Variants in PARVB observed in about 807,000 individuals in gnomAD.
The protein encoded by PARVB is parvin beta, also known as beta-parvin.
In PARVB, 46 loss-of-function variants were observed where a neutral mutation model predicts 47.0. The ratio of observed to expected loss-of-function variants is 0.98; its 90% CI spans 0.77 to 1.25. The LOEUF (loss-of-function observed/expected upper bound fraction) is 1.25. Ranked by LOEUF, PARVB falls within the 50% of genes most tolerant of loss-of-function variation. The pLI is 0.00. For missense variants in PARVB, 473 were observed against 471.6 expected (o/e 1.00, Z -0.03); for synonymous variants, 196 against 196.3 (o/e 1.00, Z 0.01).
At chr22:44,069,088 T>C in intron 1 of PARVB, 3 of 1,609,206 alleles carry the variant, frequency 1.9e-6, no homozygotes, top group Non-Finnish European at 1.7e-6. Context: ...GAACGGGGTG[T>C]GTGCCCGCCT....
intron 1 of PARVB, among the ~76,000 whole-genome samples, chr22:44,079,180 C>G (rs1393318083): frequency 3.9e-5 from 6 of 152,096 alleles, no homozygotes; most frequent in Non-Finnish European, 7.3e-5. Context: ...GGTGCTTGGT[C>G]CACCATAGAT....
At position 44,131,668 on chromosome 22, in the gene PARVB, G is replaced by A. The variant is rs150511875; in HGVS notation, c.517+41G>A. 8.1e-4 allele frequency: 1,262 copies of A among 1,559,526 alleles called. 6 individuals are homozygous for A. In the African/African-American group the frequency reaches 0.016, roughly 19 times the overall value. On this transcript the variant is annotated intron_variant, in intron 5 of 12. Transcript: ENST00000338758. ...CAGGGGGAGGGACTGTCTGGAGGGA[G>A]CCCGTCCTCTCGACATTCGTCATCC...
intron 1 of PARVB, among the ~76,000 whole-genome samples, chr22:44,043,475 A>T (rs754554592): frequency 2.6e-5 from 4 of 151,928 alleles, no homozygotes; most frequent in Admixed American, 1.3e-4. Flanking sequence ...GCCTCCCGGG[A>T]TCACGCCATT....
intron 2 of PARVB, among the ~76,000 whole-genome samples, chr22:44,001,899 C>T (rs939775762): frequency 6.6e-6 from 1 of 152,206 alleles, no homozygotes; most frequent in South Asian, 2.1e-4. Flanking sequence ...CCCCTGTGAG[C>T]AGCAGAAGTG....
At chr22:44,101,892 A>T (rs1184204253) in intron 3 of PARVB, among the ~76,000 whole-genome samples, 1 of 152,152 alleles carries the variant, frequency 6.6e-6, no homozygotes, top group Non-Finnish European at 1.5e-5. Context: ...AAGAACGTTG[A>T]TGAGGAAAGT....
At chr22:44,066,935 A>G (rs2051548812) in intron 1 of PARVB, among the ~76,000 whole-genome samples, 3 of 150,466 alleles carry the variant, frequency 2.0e-5, no homozygotes, top group Admixed American at 1.3e-4. Flanking sequence ...GTGCAGTGGG[A>G]TGGTCATAGG....
chr22:44,119,344 C>A lies in PARVB; in HGVS notation c.376+204C>A, dbSNP rs184461818. Reference sequence around the variant, plus strand: ...CCCCTTGCCGTTTCTACAGAGCACCCAGCCATGGGGCAGCAGCAGGTTGGG... The same window carrying A: ...CCCCTTGCCGTTTCTACAGAGCACCAAGCCATGGGGCAGCAGCAGGTTGGG... On this transcript the variant is annotated intron_variant, in intron 4 of 12. Transcript: ENST00000338758. 3.1e-3 allele frequency among the ~76,000 whole-genome samples: 474 copies of A among 152,336 alleles called. 1 individual carries two copies. The highest frequency in any genetic ancestry group is 4.3e-3 in the Non-Finnish European group (290 of 68,034).
intron 11 of PARVB, among the ~76,000 whole-genome samples, 197 bp from the exon 12 acceptor site, chr22:44,163,661 G>A (rs945225832): frequency 6.6e-6 from 1 of 152,180 alleles, no homozygotes; most frequent in Non-Finnish European, 1.5e-5. Context: ...GAACCACCTA[G>A]TAAGCGCACA....
At chr22:44,033,335 C>T (rs932444641) in intron 1 of PARVB, among the ~76,000 whole-genome samples, 2 of 152,206 alleles carry the variant, frequency 1.3e-5, no homozygotes, top group African/African-American at 2.4e-5. Flanking sequence ...AGCCACCACT[C>T]CCGGCCCCCA....
At chr22:44,016,348 A>G (rs2401519) in intron 2 of PARVB, among the ~76,000 whole-genome samples, 122,658 of 151,496 alleles carry the variant, frequency 0.81, 50,230 homozygotes, top group African/African-American at 0.93. Flanking sequence ...CGCCCGCCTC[A>G]GCCTCCCAAA....
intron 1 of PARVB, among the ~76,000 whole-genome samples, chr22:44,034,095 A>G (rs1485621146): frequency 2.0e-5 from 3 of 151,180 alleles, no homozygotes; most frequent in African/African-American, 7.3e-5. Context: ...ATATGAACAT[A>G]CAAATAAAAA....
intron 1 of PARVB, among the ~76,000 whole-genome samples, chr22:44,035,922 G>A (rs2050915264): frequency 6.6e-6 from 1 of 152,076 alleles, no homozygotes; most frequent in Non-Finnish European, 1.5e-5. Context: ...TATTACAGTG[G>A]TGCAGTATGG....
At chr22:44,016,481 A>G (rs1340162312) in intron 2 of PARVB, among the ~76,000 whole-genome samples, 2 of 152,150 alleles carry the variant, frequency 1.3e-5, no homozygotes, top group African/African-American at 2.4e-5. Context: ...CTGTGAGACA[A>G]TGAATCTCGG....
chr22:44,011,116 G>A (rs1236356782), intron 2 of PARVB, among the ~76,000 whole-genome samples: 2 of 152,032 alleles, frequency 1.3e-5, no homozygotes, highest in East Asian at 2.0e-4. Flanking sequence ...GAGCCACTGC[G>A]CCCGGCCATG....
chr22:44,034,106 T>TATATAAAGAATATATGTATAAAGA (rs1021513534), intron 1 of PARVB, among the ~76,000 whole-genome samples: 3 of 150,818 alleles, frequency 2.0e-5, no homozygotes, highest in Non-Finnish European at 3.0e-5. Context: ...CAAATAAAAA[T>TATATAAAGAATATATGTATAAAGA]ATATAAAGAA....
upstream of PARVB, among the ~76,000 whole-genome samples, chr22:44,023,537 C>CAAAATAAAATAAAATAAAAT: frequency 7.8e-6 from 1 of 127,394 alleles, no homozygotes; most frequent in East Asian, 2.4e-4. Flanking sequence ...TAAAACAAAA[C>CAAAATAAAATAAAATAAAAT]AAAATAAAAT....
chr22:44,014,351 T>G (rs1291152889), intron 2 of PARVB, among the ~76,000 whole-genome samples: 2 of 152,212 alleles, frequency 1.3e-5, no homozygotes, highest in Non-Finnish European at 2.9e-5. Context: ...TATATGGAAC[T>G]GGCCTCTTCA....
At chr22:44,110,184 G>A (rs2147094945) in intron 3 of PARVB, 1 of 151,674 alleles carries the variant, frequency 6.6e-6, no homozygotes, top group African/African-American at 2.4e-5. Flanking sequence ...CCCTTCTGTG[G>A]GTCTGTGCCT....
chr22:44,004,305 G>A (rs77092437), intron 2 of PARVB, among the ~76,000 whole-genome samples: 1 of 149,336 alleles, frequency 6.7e-6, no homozygotes, highest in African/African-American at 2.4e-5. Context: ...TGAGCTCCCC[G>A]CAACTGAAGA....
Sources: allele counts gnomAD v4.1 joint callset (sites outside exome capture counted in the v4.1 genomes callset), GRCh38; gene constraint gnomAD v4.1.1; transcripts MANE v1.5; gene names NCBI Gene and HGNC (gene_info 2026-07-23, HGNC 2026-07-21).